SLC25A32: variants seen among roughly 807,000 people sequenced by gnomAD.
SLC25A32 encodes the protein Glycine auxotroph B, complementation of hamster.
SLC25A32 carries 32 observed loss-of-function variants against 39.0 expected under a neutral mutation model. That is an observed-to-expected ratio of 0.82 (90% CI 0.62 to 1.10). The LOEUF (loss-of-function observed/expected upper bound fraction) is 1.10, where lower values mean the gene tolerates loss of function less well. Among genes scored for constraint, SLC25A32 ranks in the 50% least tolerant of loss-of-function variants. SLC25A32 has a pLI of 0.00. For synonymous variants in SLC25A32, 166 were observed against 152.4 expected, an observed-to-expected ratio of 1.09 and a Z score of -0.66; for missense variants, 367 against 395.3, an observed-to-expected ratio of 0.93 and a Z score of 0.61.
intron 3 of SLC25A32, among the ~76,000 whole-genome samples, chr8:103,403,752 C>A (rs1353271287): frequency 1.3e-5 from 2 of 152,180 alleles, no homozygotes; most frequent in Non-Finnish European, 2.9e-5. Context: ...CCCCAATAAT[C>A]TGTGCATGTG....
In SLC25A32 at chr8:103,402,141, T is replaced by G; in HGVS notation, c.553-87A>C. ...TAAAATACTTTCTCTTCTCTCTCAT[T>G]ACAGCACTTTAAGCAAATTCATTTA... On this transcript the variant is annotated intron_variant, in intron 4 of 6. Transcript: ENST00000297578. 3.7e-6 allele frequency: 3 copies of G among 801,354 alleles called. No individual in the cohort carries two copies. In the South Asian group the frequency reaches 6.8e-5, roughly 18 times the overall value. The allele number at this position is 801,354 out of a possible 1,614,324, so 49.6% of individuals were successfully genotyped here. A position where few individuals can be genotyped will look rare whatever the true frequency, so the allele number is the denominator to read the frequency against.
intron 5 of SLC25A32, 56 bp downstream of exon 5, chr8:103,401,885 T>C: frequency 7.0e-7 from 1 of 1,423,008 alleles, no homozygotes; most frequent in Admixed American, 1.9e-5. Flanking sequence ...CAAAAATTTC[T>C]ACCTATTAAA....
rs150716582 is a variant in SLC25A32 at position 103,400,513 on chromosome 8, A to G, written c.846T>C (p.Ile282=). The part of the protein sequence containing the change: ...KEGVGGFYKG[I]APNLIRVTPA... ...GAGTCACTCTAATCAAATTAGGAGC[A>G]ATTCCCTTGTAAAATCCACCGACGC... The change falls in exon 7 of 7, where the codon ATT becomes ATC. Residue 282 remains isoleucine, a synonymous_variant. Coordinates refer to ENST00000297578, the MANE Select transcript of SLC25A32 (RefSeq NM_030780.5). 1.7e-5 allele frequency: 28 copies of G among 1,614,024 alleles called. No individual in the cohort carries two copies. In the African/African-American group the frequency reaches 3.5e-4, roughly 20 times the overall value.
intron 1 of SLC25A32, 106 bp downstream of exon 1, chr8:103,414,678 A>C (rs5025988): frequency 1.4e-6 from 2 of 1,391,146 alleles, no homozygotes; most frequent in Non-Finnish European, 1.9e-6. Flanking sequence ...GCGGACAGCA[A>C]CGCTCCCTTC....
At chr8:103,407,465 A>T (rs1038056584) in intron 2 of SLC25A32, among the ~76,000 whole-genome samples, 169 bp downstream of exon 2, 1 of 151,992 alleles carries the variant, frequency 6.6e-6, no homozygotes, top group African/African-American at 2.4e-5. Context: ...AGCCATTTTG[A>T]ATCAAACTAA....
chr8:103,404,356 G>C (rs1816279941), intron 3 of SLC25A32, among the ~76,000 whole-genome samples: 1 of 152,138 alleles, frequency 6.6e-6, no homozygotes, highest in Non-Finnish European at 1.5e-5. Flanking sequence ...AGCACTTTGG[G>C]AGGCAGAGGC....
chr8:103,407,977 A>G (rs1034203102), intron 1 of SLC25A32, among the ~76,000 whole-genome samples, 193 bp from the exon 2 acceptor site: 1 of 145,566 alleles, frequency 6.9e-6, no homozygotes, highest in East Asian at 2.0e-4. Context: ...ATATATAAAT[A>G]TGTAAAATAT....
intron 1 of SLC25A32, among the ~76,000 whole-genome samples, chr8:103,411,190 T>G (rs1816455929): frequency 6.6e-6 from 1 of 152,210 alleles, no homozygotes; most frequent in African/African-American, 2.4e-5. Context: ...TACTAAGCGT[T>G]CTGGTCAAAA....
intron 6 of SLC25A32, among the ~76,000 whole-genome samples, chr8:103,401,173 G>A (rs1301538911): frequency 1.3e-5 from 2 of 152,142 alleles, no homozygotes; most frequent in Non-Finnish European, 2.9e-5. Flanking sequence ...AGCAGGTGTG[G>A]AGCCTTCTTG....
At position 103,400,092 on chromosome 8, in the gene SLC25A32, CT is replaced by C; in HGVS notation, c.*318del. On this transcript the variant is annotated 3_prime_UTR_variant, in exon 7 of 7. Coordinates refer to ENST00000297578, the MANE Select transcript of SLC25A32 (RefSeq NM_030780.5). ...AGCTCACAAAAAGAAGTACATTCAT[CT>C]AATCCATTTAGCAAATGTTGCAAAT... is the stretch of plus-strand genomic sequence containing the variant. 3 of 312,938 alleles carry C rather than the reference CT, an allele frequency of 9.6e-6. No homozygotes were observed. The highest frequency in any genetic ancestry group is 1.8e-5 in the Non-Finnish European group (3 of 168,176). The allele number at this position is 312,938 out of a possible 1,614,324, so 19.4% of individuals were successfully genotyped here.
chr8:103,404,803 C>T lies in SLC25A32; in HGVS notation c.364G>A (p.Glu122Lys). 1 of 1,613,226 alleles carries T rather than the reference C, an allele frequency of 6.2e-7. No homozygotes were observed. The highest frequency in any genetic ancestry group is 1.1e-5 in the South Asian group (1 of 91,060). Residue 122 changes from glutamate to lysine, a missense_variant, in exon 3 of 7, where the codon GAA becomes AAA. Glu to Lys is a moderately conservative substitution (Grantham distance 56, BLOSUM62 1). Transcript: ENST00000297578. ...GCTTCAGCAGCTGAGACAAGGTATT[C>T]TGTTGCCTCTAAACGTTCAGCTCTT... ...EGRAERLEATEYLVSAAEAGA... is the reference protein window; with the variant it reads ...EGRAERLEATKYLVSAAEAGA...
chr8:103,405,412 G>A (rs1052584341), intron 2 of SLC25A32, among the ~76,000 whole-genome samples: 2 of 152,198 alleles, frequency 1.3e-5, no homozygotes. Flanking sequence ...GTAGGAGGTA[G>A]TATTGAGCTG....
chr8:103,412,650 A>G (rs1243789382), intron 1 of SLC25A32, among the ~76,000 whole-genome samples: 1 of 152,070 alleles, frequency 6.6e-6, no homozygotes, highest in Non-Finnish European at 1.5e-5. Context: ...CCCCTTTCCC[A>G]CATGTAAGTT....
chr8:103,404,699 A>C, intron 3 of SLC25A32, 77 bp downstream of exon 3: 4 of 934,372 alleles, frequency 4.3e-6, no homozygotes, highest in Non-Finnish European at 6.7e-6. Flanking sequence ...TCAGGTGTTC[A>C]AAGAAAAGAA....
At chr8:103,407,553 TTTTACA>T in intron 2 of SLC25A32, 75 bp downstream of exon 2, 1 of 1,180,302 alleles carries the variant, frequency 8.5e-7, no homozygotes, top group Non-Finnish European at 1.2e-6. Context: ...CAACTTATCA[TTTTACA>T]TTTACATGTA....
At chr8:103,406,919 C>T (rs1286537549) in intron 2 of SLC25A32, among the ~76,000 whole-genome samples, 1 of 151,998 alleles carries the variant, frequency 6.6e-6, no homozygotes, top group South Asian at 2.1e-4. Context: ...CTCTGATAAA[C>T]GGAAAAAATA....
chr8:103,404,605 A>C lies in SLC25A32; in HGVS notation c.391+171T>G, dbSNP rs1865855. 0.13 allele frequency among the ~76,000 whole-genome samples: 19,412 copies of C among 151,952 alleles called. 1,303 individuals are homozygous for C. Among genetic ancestry groups the C allele is most frequent in the South Asian group, 0.17 (812 of 4,816 alleles). The stretch of plus-strand genomic sequence containing the variant: ...AGCGAAACTCCGCCTCAAAAAAAAA[A>C]ACCAAAAACCGAAAAACAAACAAAC... On this transcript the variant is annotated intron_variant, in intron 3 of 6. Coordinates refer to ENST00000297578, the MANE Select transcript of SLC25A32 (RefSeq NM_030780.5).
At position 103,414,821 on chromosome 8, in the gene SLC25A32, C is replaced by T. The variant is rs781158650; in HGVS notation, c.117G>A (p.Ala39=). The stretch of plus-strand genomic sequence containing the variant: ...TCTTCACGAGGTCGAGCGGATGCAG[C>T]GCAAGGTTGGATAAGACGCCGCCGC... The part of the protein sequence containing the change: ...GVSGGVLSNL[A]LHPLDLVKIR... The change falls in exon 1 of 7, where the codon GCG becomes GCA. Residue 39 remains alanine (A), a synonymous_variant. Transcript: ENST00000297578. 6.2e-7 allele frequency: 1 copy of T among 1,613,816 alleles called. No homozygotes were observed. Among genetic ancestry groups the T allele is most frequent in the Admixed American group, 1.7e-5 (1 of 60,028 alleles).
At chr8:103,414,720 C>T (rs2130461740) in intron 1 of SLC25A32, 64 bp downstream of exon 1, 2 of 1,601,316 alleles carry the variant, frequency 1.2e-6, no homozygotes, top group African/African-American at 2.7e-5. Context: ...ACGGAAAAGA[C>T]GGAGGAGATC....
Sources: gnomAD v4.1 joint callset for allele counts (sites outside exome capture counted in the v4.1 genomes callset) on GRCh38, gnomAD v4.1.1 for gene constraint, MANE v1.5 for transcripts, NCBI Gene and HGNC (gene_info 2026-07-23, HGNC 2026-07-21) for gene names.